The following NUDCD3 variants were observed in gnomAD, a reference collection of about 807,000 sequenced individuals.
NUDCD3 encodes nudC domain-containing protein 3.
NUDCD3 carries 13 observed loss-of-function variants against 39.7 expected under a neutral mutation model. The ratio of observed to expected loss-of-function variants is 0.33; its 90% CI spans 0.21 to 0.52. The LOEUF is 0.52. Among genes scored for constraint, NUDCD3 ranks in the 20% least tolerant of loss-of-function variants. The pLI is 0.96. For synonymous variants in NUDCD3, 175 were observed against 172.4 expected (o/e 1.02, Z -0.12); for missense variants, 453 against 458.1 (o/e 0.99, Z 0.10).
chr7:44,474,948 C>T (rs1402006807), intron 2 of NUDCD3, among the ~76,000 whole-genome samples: 1 of 152,100 alleles, frequency 6.6e-6, no homozygotes, highest in African/African-American at 2.4e-5. Flanking sequence ...CAGGTGGGGT[C>T]CACAGATAGC....
At chr7:44,446,446 C>A (rs182500527) in intron 2 of NUDCD3, among the ~76,000 whole-genome samples, 15 of 152,338 alleles carry the variant, frequency 9.8e-5, no homozygotes, top group Admixed American at 8.5e-4. Flanking sequence ...TAGCTGTGAA[C>A]AGAATGAAGA....
intron 2 of NUDCD3, among the ~76,000 whole-genome samples, chr7:44,463,800 AGG>A (rs1347265711): frequency 6.6e-6 from 1 of 152,190 alleles, no homozygotes; most frequent in Non-Finnish European, 1.5e-5. Context: ...TATTTACAAA[AGG>A]AATGTATTTT....
At chr7:44,402,618 C>T (rs1023610282) in intron 4 of NUDCD3, 11 of 456,304 alleles carry the variant, frequency 2.4e-5, no homozygotes, top group Admixed American at 9.4e-5. Flanking sequence ...AAAGTGCAAC[C>T]GGACCACACA....
chr7:44,381,203 G>A lies in NUDCD3; in HGVS notation c.*4808C>T, dbSNP rs549079820. The stretch of plus-strand genomic sequence containing the variant: ...GCAACAAGGTTGGCTGAGATGGCCT[G>A]AGACAGGGTCCCTTGATGAACAGTC... On this transcript the variant is annotated 3_prime_UTR_variant, in exon 6 of 6. Transcript: ENST00000355451. The A allele has an allele frequency of 3.3e-5, 5 of 152,446 alleles. No homozygotes were observed. The highest frequency in any genetic ancestry group is 5.9e-5 in the Non-Finnish European group (4 of 68,100). 9.4% of individuals were successfully genotyped at this position (152,446 alleles called of 1,614,324 possible).
At position 44,441,907 on chromosome 7, in the gene NUDCD3, C is replaced by T. The variant is rs78978032; in HGVS notation, c.510-14204G>A. On this transcript the variant is annotated intron_variant, in intron 2 of 5. Coordinates refer to ENST00000355451, the MANE Select transcript of NUDCD3 (RefSeq NM_015332.4). The stretch of plus-strand genomic sequence containing the variant: ...TATGAAGACCACAGAGATGAGCAGC[C>T]TAGACAGTGTCCCACACAAACTCCT... Among the ~76,000 whole-genome samples the T allele has an allele frequency of 8.0e-3, 1,223 of 152,270 alleles. 9 individuals are homozygous for T. Among genetic ancestry groups the T allele is most frequent in the African/African-American group, 0.027 (1,138 of 41,556 alleles).
chr7:44,427,581 T>C lies in NUDCD3; in HGVS notation c.632A>G (p.Lys211Arg), dbSNP rs201734344. ...CGCCAAGGCCATTACCTGCTTTCCC[T>C]TCACCACGTGCTTGGGTACTGGCAC... The part of the protein sequence containing the change: ...VRVPVPKHVV[K>R]GKQVSVALSS... The change falls in exon 3 of 6, where the codon AAG (lysine) becomes AGG (arginine). Residue 211 changes from lysine to arginine, a missense_variant. Transcript: ENST00000355451. 5.6e-6 allele frequency: 9 copies of C among 1,612,740 alleles called. No homozygotes were observed. Among genetic ancestry groups the C allele is most frequent in the Non-Finnish European group, 7.6e-6 (9 of 1,179,334 alleles).
In NUDCD3 at chr7:44,443,856, G is replaced by A. The variant is rs570532934; in HGVS notation, c.510-16153C>T. On this transcript the variant is annotated intron_variant, in intron 2 of 5. Transcript: ENST00000355451. ...TCAAGCCCCATCTTCAGTTCTCCTG[G>A]GAGGTGGTTTACTGTAAAGTCAGTC... Among the ~76,000 whole-genome samples, 4 of 152,266 alleles carry A rather than the reference G, an allele frequency of 2.6e-5. No individual in the cohort carries two copies. In the East Asian group the frequency reaches 7.7e-4, roughly 29 times the overall value.
intron 2 of NUDCD3, among the ~76,000 whole-genome samples, chr7:44,449,207 TAAGA>T (rs1471866408): frequency 1.3e-5 from 2 of 152,110 alleles, no homozygotes. Context: ...AAGACGAGCC[TAAGA>T]AAGAGGCTGA....
intron 2 of NUDCD3, among the ~76,000 whole-genome samples, chr7:44,433,566 G>A (rs1377591476): frequency 1.3e-5 from 2 of 152,158 alleles, no homozygotes; most frequent in Admixed American, 6.5e-5. Context: ...CACACAGTGT[G>A]CATATGCGTG....
At chr7:44,471,963 T>C (rs1800266795) in intron 2 of NUDCD3, 1 of 152,226 alleles carries the variant, frequency 6.6e-6, no homozygotes, top group African/African-American at 2.4e-5. Flanking sequence ...ATGCTAATGT[T>C]TTCCAAATGC....
intron 4 of NUDCD3, among the ~76,000 whole-genome samples, chr7:44,404,229 G>C (rs1398375588): frequency 1.3e-5 from 2 of 152,018 alleles, no homozygotes; most frequent in Non-Finnish European, 1.5e-5. Context: ...GGAGCTCTTG[G>C]GAATGACCAA....
At chr7:44,386,273 C>G in intron 5 of NUDCD3, 152 bp from the exon 6 acceptor site, 1 of 779,962 alleles carries the variant, frequency 1.3e-6, no homozygotes, top group Non-Finnish European at 2.0e-6. Flanking sequence ...AACTGTACTA[C>G]CCTGGAGCAG....
chr7:44,464,130 C>T (rs1045854122), intron 2 of NUDCD3, among the ~76,000 whole-genome samples: 19 of 151,156 alleles, frequency 1.3e-4, no homozygotes, highest in Non-Finnish European at 2.4e-4. Flanking sequence ...AGGAGAATTG[C>T]TTGAACCCGA....
intron 2 of NUDCD3, among the ~76,000 whole-genome samples, chr7:44,428,119 T>C (rs1799273763): frequency 1.0e-5 from 1 of 100,204 alleles, no homozygotes; most frequent in African/African-American, 3.9e-5. Context: ...GCAGGGTCAA[T>C]CTTTAAAAAA....
intron 2 of NUDCD3, among the ~76,000 whole-genome samples, chr7:44,456,717 C>A (rs183402309): frequency 1.0e-3 from 151 of 151,380 alleles, no homozygotes; most frequent in African/African-American, 3.3e-3. Flanking sequence ...GATTGCACCA[C>A]TGCAATACAG....
chr7:44,467,591 C>T (rs892095511), intron 2 of NUDCD3, among the ~76,000 whole-genome samples: 2 of 151,886 alleles, frequency 1.3e-5, no homozygotes, highest in East Asian at 1.9e-4. Context: ...CATTGAGGCC[C>T]GGCAGGGACG....
intron 2 of NUDCD3, among the ~76,000 whole-genome samples, chr7:44,455,191 A>G (rs1204819491): frequency 6.6e-6 from 1 of 151,058 alleles, no homozygotes; most frequent in Non-Finnish European, 1.5e-5. Context: ...ATTTCAGACT[A>G]CATTTCCAAC....
rs962952017 is a variant in NUDCD3 at position 44,433,838 on chromosome 7, C to T, written c.510-6135G>A. Among the ~76,000 whole-genome samples, 10 of 152,130 alleles carry T rather than the reference C, an allele frequency of 6.6e-5. No homozygotes were observed. The South Asian group carries it at 1.2e-3, about 19-fold the overall frequency. On this transcript the variant is annotated intron_variant, in intron 2 of 5. Transcript: ENST00000355451. ...GCTCCCCACGGCCCAGGAGACAAGG[C>T]CAGGGCCTCAGCAAGGCACTCGAGG...
intron 3 of NUDCD3, chr7:44,426,122 T>C: frequency 1.0e-6 from 1 of 985,480 alleles, no homozygotes; most frequent in Non-Finnish European, 1.2e-6. Flanking sequence ...CTCTCAGGAC[T>C]GGATGGGGCT....
Sources: allele counts gnomAD v4.1 joint callset (sites outside exome capture counted in the v4.1 genomes callset), GRCh38; gene constraint gnomAD v4.1.1; transcripts MANE v1.5; gene names NCBI Gene and HGNC (gene_info 2026-07-23, HGNC 2026-07-21).